The following RECQL4 variants were observed in gnomAD, a reference collection of about 807,000 sequenced individuals.
The protein encoded by RECQL4 is RecQ like helicase 4.
Under a neutral mutation model 128.6 loss-of-function variants are expected in RECQL4, and 158 were observed. The ratio of observed to expected loss-of-function variants is 1.23; its 90% confidence interval spans 1.08 to 1.40. RECQL4 has a LOEUF of 1.40. RECQL4 is among the 40% of genes most tolerant of loss of function. The pLI, the probability that RECQL4 is intolerant of heterozygous loss-of-function variation, is 0.00. For synonymous variants in RECQL4, 996 were observed against 678.9 expected (o/e 1.47, Z -7.26); for missense variants, 2,293 against 1,649.8 (o/e 1.39, Z -6.75).
chr8:144,512,971 G>A lies in RECQL4; in HGVS notation c.2631C>T (p.Tyr877=), dbSNP rs762591075. ...TAAGCTGCTCAGCCTCTTGAGGGGG[G>A]TACTTGGGCACAGGCCTCTCCCCAC... The part of the protein sequence containing the change: ...AVGGERPVPK[Y]PPQEAEQLSH... Residue 877 remains tyrosine, a synonymous_variant, in exon 15 of 21, where the codon TAC becomes TAT. Transcript: ENST00000617875. 1.0e-5 allele frequency: 16 copies of A among 1,570,890 alleles called. No individual in the cohort carries two copies. In the East Asian group the frequency reaches 1.2e-4, roughly 12 times the overall value.
At position 144,516,624 on chromosome 8, in the gene RECQL4, G is replaced by A. The variant is rs1361421482; in HGVS notation, c.495C>T (p.Pro165=). ...VSDEPPQLPE[P]QPRPGRLQHL... ...GCTGGAGCCGGCCTGGCCTTGGCTG[G>A]GGCTCAGGGAGCTGTGGAGGCTCAT... Residue 165 remains proline (P), a synonymous_variant, in exon 5 of 21, where the codon CCC becomes CCT. Transcript: ENST00000617875. The A allele has an allele frequency of 1.2e-6, 2 of 1,610,640 alleles. No individual in the cohort carries two copies. Among genetic ancestry groups the A allele is most frequent in the Non-Finnish European group, 1.7e-6 (2 of 1,178,892 alleles).
At chr8:144,514,137 CGCCCA>C (rs756441127) in intron 11 of RECQL4, 30 bp from the exon 12 acceptor site, 1 of 1,610,358 alleles carries the variant, frequency 6.2e-7, no homozygotes, top group Non-Finnish European at 8.5e-7. Context: ...GGTGTGAGGC[CGCCCA>C]GCCCATCCCG....
In RECQL4 at chr8:144,515,758, T is replaced by A. The variant is rs34437789; in HGVS notation, c.1258+6A>T. On this transcript the variant is annotated splice_donor_region_variant and intron_variant, in intron 6 of 20. Coordinates refer to ENST00000617875, the MANE Select transcript of RECQL4 (RefSeq NM_004260.4). ...CCGGACCCACCCTCCAGGGCAGATG[T>A]CTCACCTGGCCGGGGACACTGGGCT... The A allele has an allele frequency of 0.029, 46,569 of 1,611,922 alleles. 814 individuals are homozygous for A. Among genetic ancestry groups the A allele is most frequent in the Middle Eastern group, 0.097 (589 of 6,062 alleles).
At chr8:144,515,103 C>A in intron 8 of RECQL4, 31 bp from the exon 9 acceptor site, 1 of 1,588,132 alleles carries the variant, frequency 6.3e-7, no homozygotes, top group Admixed American at 1.8e-5. Context: ...CAGCAGGGTT[C>A]TGCAGCCTGG....
At chr8:144,511,609 G>A in intron 20 of RECQL4, 54 bp from the exon 21 acceptor site, 1 of 1,607,698 alleles carries the variant, frequency 6.2e-7, no homozygotes, top group Non-Finnish European at 8.5e-7. Flanking sequence ...TGCAGCGGGT[G>A]GAGCCTCCCA....
In RECQL4 at chr8:144,512,319, G is replaced by A. The variant is rs137853232; in HGVS notation, c.3061C>T (p.Arg1021Trp). The change falls in exon 18 of 21, where the codon CGG (arginine) becomes TGG (tryptophan). Residue 1021 changes from arginine to tryptophan, a missense_variant. Coordinates refer to ENST00000617875, the MANE Select transcript of RECQL4 (RefSeq NM_004260.4). ...TCCACAAGCACCCCTGTCCCACGCC[G>A]CACACCTGCCGGAAAGCATGTCAGA... ...QWDHEPRTGV[R>W]RGTGVLVEFS... The A allele has an allele frequency of 1.7e-5, 28 of 1,612,194 alleles. No individual in the cohort carries two copies. Among genetic ancestry groups the A allele is most frequent in the East Asian group, 4.5e-5 (2 of 44,878 alleles).
rs1827990544 is a variant in RECQL4, at chr8:144,515,248, GAC to G, written c.1391-8_1391-7del. ...GAACACCTCAGCCGGCGTCTCTGCA[GAC>G]ACAGATGTTGATCACCATGACTTGA... On this transcript the variant is annotated splice_polypyrimidine_tract_variant and splice_region_variant and intron_variant, in intron 7 of 20. Coordinates refer to ENST00000617875, the MANE Select transcript of RECQL4 (RefSeq NM_004260.4). 6.2e-7 allele frequency: 1 copy of G among 1,600,144 alleles called. No individual in the cohort carries two copies. Among genetic ancestry groups the G allele is most frequent in the Non-Finnish European group, 8.5e-7 (1 of 1,174,070 alleles).
At position 144,515,200 on chromosome 8, in the gene RECQL4, T is replaced by G; in HGVS notation, c.1433A>C (p.His478Pro). 6.4e-7 allele frequency: 1 copy of G among 1,570,972 alleles called. No individual in the cohort carries two copies. The highest frequency in any genetic ancestry group is 8.6e-7 in the Non-Finnish European group (1 of 1,159,004). The change falls in exon 8 of 21, where the codon CAC (histidine) becomes CCC (proline). Residue 478 changes from histidine (H) to proline (P), a missense_variant. His to Pro is a moderately conservative substitution (Grantham distance 77). Transcript: ENST00000617875. The stretch of plus-strand genomic sequence containing the variant: ...CTCCTGCCCAGGGCGAAAGGCTTGG[T>G]GCCCCAGCTGCTCCAGGGCCTGGAA... Reference protein sequence around the residue: ...EVFQALEQLGHQAFRPGQERA... With the variant: ...EVFQALEQLGPQAFRPGQERA...
At chr8:144,512,347 CAGGCAGGCA>C in intron 17 of RECQL4, 23 bp from the exon 18 acceptor site, 1 of 1,611,094 alleles carries the variant, frequency 6.2e-7, no homozygotes, top group Non-Finnish European at 8.5e-7. Flanking sequence ...ATGTCAGATG[CAGGCAGGCA>C]GCGTCCAGGG....
In RECQL4 at chr8:144,512,021, C is replaced by G; in HGVS notation, c.3283G>C (p.Glu1095Gln). ...AGGTCCTTGAGCCTGGTGCTGCGCT[C>G]CTCATCCTGCTGCTCCAGGCAGGGC... Reference protein sequence around the residue: ...CGPCLEQQDEERSTRLKDLLG... With the variant: ...CGPCLEQQDEQRSTRLKDLLG... Residue 1095 changes from glutamate (E) to glutamine (Q), a missense_variant, in exon 19 of 21, where the codon GAG (glutamate) becomes CAG (glutamine). By Grantham distance (29) the Glu-to-Gln change is conservative (BLOSUM62 2). Transcript: ENST00000617875. 6.2e-7 allele frequency: 1 copy of G among 1,609,128 alleles called. No individual in the cohort carries two copies. Among genetic ancestry groups the G allele is most frequent in the Middle Eastern group, 1.7e-4 (1 of 6,056 alleles).
rs2130662277 is a variant in RECQL4 at position 144,512,429 on chromosome 8, A to C, written c.3018T>G (p.Ala1006=). 2 of 1,608,692 alleles carry C rather than the reference A, an allele frequency of 1.2e-6. No homozygotes were observed. Among genetic ancestry groups the C allele is most frequent in the Non-Finnish European group, 1.7e-6 (2 of 1,177,216 alleles). ...CGTGGTCCCACTGCAGCTGGCAGAGAGCCCGCCGCACAGAGGCCAGCTCCC... is the reference window on the plus strand; with the variant it reads ...CGTGGTCCCACTGCAGCTGGCAGAGCGCCCGCCGCACAGAGGCCAGCTCCC... ...MGWELASVRR[A]LCQLQWDHEP... is the part of the protein sequence containing the mutation. Residue 1006 remains alanine (A), a synonymous_variant, in exon 17 of 21, where the codon GCT becomes GCG. Coordinates refer to ENST00000617875, the MANE Select transcript of RECQL4 (RefSeq NM_004260.4).
chr8:144,515,476 G>T lies in RECQL4; in HGVS notation c.1259-19C>A. 2 of 1,612,454 alleles carry T rather than the reference G, an allele frequency of 1.2e-6. No homozygotes were observed. The highest frequency in any genetic ancestry group is 1.7e-6 in the Non-Finnish European group (2 of 1,179,794). ...TCACTTGCTGGGGCAGGCAGGAGAG[G>T]GTAGAATGGGAGCTCCAGGTCGGGC... On this transcript the variant is annotated intron_variant, in intron 6 of 20. Coordinates refer to ENST00000617875, the MANE Select transcript of RECQL4 (RefSeq NM_004260.4).
At chr8:144,514,396 T>C in intron 10 of RECQL4, 34 bp from the exon 11 acceptor site, 1 of 1,600,842 alleles carries the variant, frequency 6.2e-7, no homozygotes. Context: ...ACAGCCCAGG[T>C]GCCCGCCCGC....
chr8:144,514,884 A>C (rs1303147951), intron 9 of RECQL4, 52 bp downstream of exon 9: 1 of 1,596,114 alleles, frequency 6.3e-7, no homozygotes, highest in Non-Finnish European at 8.5e-7. Flanking sequence ...CTTGGGAGTC[A>C]CAAGTGCTGG....
chr8:144,513,448 G>A lies in RECQL4; in HGVS notation c.2233C>T (p.His745Tyr), dbSNP rs747466614. The change falls in exon 14 of 21, where the codon CAC (histidine) becomes TAC (tyrosine). Residue 745 changes from histidine to tyrosine, a missense_variant. His to Tyr is a moderately conservative substitution (Grantham distance 83). Transcript: ENST00000617875. ...RAPKTTAEAYHAGMCSRERRR... is the reference protein window; with the variant it reads ...RAPKTTAEAYYAGMCSRERRR... ...CGTTCCCGGCTGCACATGCCCGCGT[G>A]GTAGGCCTCGGCTGTGGTTTTGGGG... is the stretch of plus-strand genomic sequence containing the variant. 3.1e-6 allele frequency: 5 copies of A among 1,609,688 alleles called. No individual in the cohort carries two copies. Among genetic ancestry groups the A allele is most frequent in the East Asian group, 2.2e-5 (1 of 44,892 alleles).
intron 8 of RECQL4, 24 bp downstream of exon 8, chr8:144,515,126 C>T (rs35071981): frequency 6.4e-6 from 10 of 1,573,822 alleles, no homozygotes; most frequent in Non-Finnish European, 8.6e-6. Context: ...TCAGCCCAGC[C>T]TCAGCCCTGG....
At position 144,515,692 on chromosome 8, in the gene RECQL4, G is replaced by C. The variant is rs1828058351; in HGVS notation, c.1258+72C>G. ...GGAAGGCCTGTTGCTTGGAACATAA[G>C]TGTCCCCCAAAAGAGCACTGCGCCC... On this transcript the variant is annotated intron_variant, in intron 6 of 20. Transcript: ENST00000617875. 5 of 1,564,058 alleles carry C rather than the reference G, an allele frequency of 3.2e-6. No homozygotes were observed. The East Asian group carries it at 1.2e-4, about 36-fold the overall frequency.
chr8:144,511,917 C>T lies in RECQL4; in HGVS notation c.3387G>A (p.Gln1129=), dbSNP rs1235859269. 6.2e-7 allele frequency: 1 copy of T among 1,610,874 alleles called. No individual in the cohort carries two copies. Among genetic ancestry groups the T allele is most frequent in the Non-Finnish European group, 8.5e-7 (1 of 1,179,778 alleles). The change falls in exon 19 of 21, where the codon CAG becomes CAA. Residue 1129 remains glutamine (Q), a synonymous_variant. Coordinates refer to ENST00000617875, the MANE Select transcript of RECQL4 (RefSeq NM_004260.4). ...MEDAQGPEPG[Q]ARLQDWEDQV... is the part of the protein sequence containing the mutation. ...CTGGCCTTACTGCACTCACTCTGGC[C>T]TGCCCTGGCTCGGGGCCCTGTGCGT...
chr8:144,514,197 C>A lies in RECQL4; in HGVS notation c.1870G>T (p.Val624Phe), dbSNP rs375100228. The change falls in exon 11 of 21, where the codon GTC becomes TTC. Residue 624 changes from valine to phenylalanine, a missense_variant. Val to Phe is a conservative substitution (Grantham distance 50, BLOSUM62 -1). Coordinates refer to ENST00000617875, the MANE Select transcript of RECQL4 (RefSeq NM_004260.4). Reference sequence around the variant, plus strand: ...GTTCACATATGGCTCACCTTGCAGACGCGCAGGTAGCAGGGCCGGAAGTTG... The same window carrying A: ...GTTCACATATGGCTCACCTTGCAGAAGCGCAGGTAGCAGGGCCGGAAGTTG... ...SHNFRPCYLR[V>F]CKVLRERMGV... The A allele has an allele frequency of 1.9e-6, 3 of 1,612,144 alleles. No individual in the cohort carries two copies. The highest frequency in any genetic ancestry group is 2.5e-6 in the Non-Finnish European group (3 of 1,179,732).
Sources: allele counts gnomAD v4.1 joint callset, GRCh38; gene constraint gnomAD v4.1.1; transcripts MANE v1.5; gene names NCBI Gene and HGNC (gene_info 2026-07-23, HGNC 2026-07-21).